Variants in C12orf42 observed in about 807,000 individuals in gnomAD.
The protein encoded by C12orf42 is uncharacterized protein C12orf42.
C12orf42 carries 25 observed loss-of-function variants against 21.6 expected under a neutral mutation model. That is an observed-to-expected ratio of 1.16 (90% CI 0.84 to 1.62). C12orf42 has a LOEUF of 1.62. Among genes scored for constraint, C12orf42 ranks in the 40% most tolerant of loss-of-function variants. C12orf42 has a pLI of 0.00. For synonymous variants in C12orf42, 174 were observed against 175.0 expected (o/e 0.99, Z 0.05); for missense variants, 483 against 459.3 (o/e 1.05, Z -0.47).
chr12:103,413,110 G>C (rs1391493632), intron 2 of C12orf42, among the ~76,000 whole-genome samples: 1 of 152,136 alleles, frequency 6.6e-6, no homozygotes, highest in Non-Finnish European at 1.5e-5. Flanking sequence ...TTAAATCTTT[G>C]ATCCATTTTG....
At chr12:103,171,610 G>C in the C12orf42 span, among the ~76,000 whole-genome samples, 1 of 152,092 alleles carries the variant, frequency 6.6e-6, no homozygotes, top group Non-Finnish European at 1.5e-5. Context: ...AAATTGAAGA[G>C]TTGGAAAATA....
the C12orf42 span, among the ~76,000 whole-genome samples, chr12:103,548,225 C>T: frequency 2.6e-5 from 4 of 152,128 alleles, no homozygotes; most frequent in Non-Finnish European, 5.9e-5. Context: ...ACCTAATTAA[C>T]ATAAAATTAA....
At chr12:103,540,333 T>C in the C12orf42 span, among the ~76,000 whole-genome samples, 39,137 of 152,024 alleles carry the variant, frequency 0.26, 5,172 homozygotes, top group East Asian at 0.41. Flanking sequence ...CTGCACTTCT[T>C]AATTCTTCCA....
downstream of C12orf42, among the ~76,000 whole-genome samples, chr12:103,235,878 C>CACTA (rs2033452051): frequency 6.6e-6 from 1 of 152,156 alleles, no homozygotes; most frequent in Non-Finnish European, 1.5e-5. Flanking sequence ...CATATGCATG[C>CACTA]ACTAACTATG....
intron 3 of C12orf42, among the ~76,000 whole-genome samples, chr12:103,391,740 T>C (rs1033071668): frequency 6.6e-6 from 1 of 151,630 alleles, no homozygotes; most frequent in African/African-American, 2.4e-5. Context: ...TATATATATA[T>C]GATTGATTTA....
At chr12:103,146,588 G>GAAAGAAAGAAAGAAAGAAAGAAAGAA in the C12orf42 span, among the ~76,000 whole-genome samples, 8 of 148,354 alleles carry the variant, frequency 5.4e-5, no homozygotes, top group African/African-American at 2.0e-4. Flanking sequence ...AAGAAAGAAA[G>GAAAGAAAGAAAGAAAGAAAGAAAGAA]AAAGAAAGAA....
the C12orf42 span, among the ~76,000 whole-genome samples, chr12:103,172,870 C>A: frequency 1.3e-5 from 2 of 152,108 alleles, no homozygotes; most frequent in African/African-American, 2.4e-5. Flanking sequence ...TGAACTCGTA[C>A]CCTAGGAGTT....
chr12:103,496,813 G>GAAA (rs35226409), upstream of C12orf42, among the ~76,000 whole-genome samples: 53 of 111,098 alleles, frequency 4.8e-4, 2 homozygotes, highest in African/African-American at 1.8e-3. Flanking sequence ...TTCTAGCCGG[G>GAAA]AAAAAAAAAA....
At chr12:103,451,699 G>T (rs1951953700) in intron 2 of C12orf42, among the ~76,000 whole-genome samples, 1 of 152,040 alleles carries the variant, frequency 6.6e-6, no homozygotes, top group African/African-American at 2.4e-5. Flanking sequence ...CCAAACATTT[G>T]TTGGGTCTAT....
At chr12:103,175,822 A>C in the C12orf42 span, among the ~76,000 whole-genome samples, 48 of 152,284 alleles carry the variant, frequency 3.2e-4, no homozygotes, top group African/African-American at 1.1e-3. Flanking sequence ...GACCCAAACC[A>C]AGTGGATGAT....
At chr12:103,439,017 G>T (rs1442576559) in intron 2 of C12orf42, among the ~76,000 whole-genome samples, 1 of 152,080 alleles carries the variant, frequency 6.6e-6, no homozygotes, top group African/African-American at 2.4e-5. Flanking sequence ...ATACTACAAG[G>T]CTACAGTAAC....
chr12:103,267,217 T>C (rs2035212025), downstream of C12orf42, among the ~76,000 whole-genome samples: 1 of 152,132 alleles, frequency 6.6e-6, no homozygotes, highest in African/African-American at 2.4e-5. Context: ...TAAATATTTA[T>C]TGTTCACCAA....
the C12orf42 span, among the ~76,000 whole-genome samples, chr12:103,134,831 C>T: frequency 6.6e-6 from 1 of 151,992 alleles, no homozygotes; most frequent in Non-Finnish European, 1.5e-5. Flanking sequence ...TGTCAAAAGC[C>T]AAAGACAAGG....
chr12:103,394,766 C>T (rs1337482469), intron 3 of C12orf42, among the ~76,000 whole-genome samples: 1 of 151,858 alleles, frequency 6.6e-6, no homozygotes, highest in Non-Finnish European at 1.5e-5. Flanking sequence ...CATTCTTATT[C>T]CCCAAGGAGA....
chr12:103,184,724 C>A, the C12orf42 span, among the ~76,000 whole-genome samples: 3 of 79,650 alleles, frequency 3.8e-5, no homozygotes, highest in East Asian at 4.8e-4. Flanking sequence ...CCCCCCCCCC[C>A]AAATATATAT....
intron 3 of C12orf42, among the ~76,000 whole-genome samples, chr12:103,395,315 T>G (rs1438919131): frequency 2.0e-5 from 3 of 151,896 alleles, no homozygotes; most frequent in Non-Finnish European, 4.4e-5. Flanking sequence ...CTAATAGAAA[T>G]GTGGCTTTAG....
intron 1 of C12orf42, chr12:103,495,625 G>C (rs934414060): frequency 6.6e-6 from 1 of 151,868 alleles, no homozygotes; most frequent in South Asian, 2.1e-4. Flanking sequence ...ATTAAGGAGC[G>C]TGTGCGTCTC....
intron 4 of C12orf42, among the ~76,000 whole-genome samples, chr12:103,337,666 T>C (rs2041816341): frequency 6.6e-6 from 1 of 152,098 alleles, no homozygotes; most frequent in Non-Finnish European, 1.5e-5. Flanking sequence ...GGTTTTAATA[T>C]TTGACATGGA....
chr12:103,414,572 C>T (rs544361706), intron 2 of C12orf42, among the ~76,000 whole-genome samples: 2 of 152,226 alleles, frequency 1.3e-5, no homozygotes, highest in South Asian at 4.1e-4. Flanking sequence ...TGTTTTTAAG[C>T]AGTGTCTTAC....
Sources: gnomAD v4.1 joint callset for allele counts (sites outside exome capture counted in the v4.1 genomes callset) on GRCh38, gnomAD v4.1.1 for gene constraint, MANE v1.5 for transcripts, NCBI Gene and HGNC (gene_info 2026-07-23, HGNC 2026-07-21) for gene names.